The following NBAS variants were observed in gnomAD, a reference collection of about 807,000 sequenced individuals.
NBAS encodes the protein NAG/BC035112 fusion.
A neutral mutation model predicts 302.5 loss-of-function variants in NBAS; 219 were observed. The ratio of observed to expected loss-of-function variants is 0.72; its 90% CI spans 0.65 to 0.81. The LOEUF (loss-of-function observed/expected upper bound fraction) is 0.81. NBAS is among the 30% of genes least tolerant of loss of function. The pLI is 0.00. For synonymous variants in NBAS, 1,118 were observed against 1,021.6 expected, an observed-to-expected ratio of 1.09 and a Z score of -1.80; for missense variants, 2,932 against 2,841.6, an observed-to-expected ratio of 1.03 and a Z score of -0.72.
At chr2:15,073,496 A>T in the NBAS span, among the ~76,000 whole-genome samples, 3 of 147,196 alleles carry the variant, frequency 2.0e-5, no homozygotes, top group East Asian at 3.9e-4. Context: ...AAAAAATAAA[A>T]AATAAAACAA....
chr2:15,313,369 T>C (rs1243263255), intron 38 of NBAS, among the ~76,000 whole-genome samples: 1 of 152,220 alleles, frequency 6.6e-6, no homozygotes, highest in African/African-American at 2.4e-5. Flanking sequence ...GTCTCAAAAA[T>C]CCTGCAAGAA....
the NBAS span, among the ~76,000 whole-genome samples, chr2:14,784,674 A>T: frequency 2.0e-5 from 3 of 151,870 alleles, no homozygotes. Flanking sequence ...TTCCATTGAT[A>T]TATATCTCTG....
chr2:15,134,479 T>TCA, the NBAS span, among the ~76,000 whole-genome samples: 17 of 152,108 alleles, frequency 1.1e-4, no homozygotes, highest in Admixed American at 2.0e-4. Context: ...TCTGTCTCTC[T>TCA]CTCACACACA....
the NBAS span, among the ~76,000 whole-genome samples, chr2:14,820,068 T>C: frequency 6.6e-6 from 1 of 152,200 alleles, no homozygotes; most frequent in Non-Finnish European, 1.5e-5. Context: ...TTGGTGGGAA[T>C]GTGAATTAGT....
At chr2:15,266,679 T>C (rs1669090081) in intron 44 of NBAS, among the ~76,000 whole-genome samples, 2 of 152,188 alleles carry the variant, frequency 1.3e-5, no homozygotes, top group Admixed American at 1.3e-4. Flanking sequence ...CTTGTCAGTG[T>C]TTGTTGGTTT....
chr2:15,196,864 C>G (rs1014894408), intron 48 of NBAS, among the ~76,000 whole-genome samples: 3 of 152,110 alleles, frequency 2.0e-5, no homozygotes, highest in African/African-American at 7.2e-5. Flanking sequence ...ACAAGAACCA[C>G]AGGAAATTGG....
chr2:15,391,879 T>TAAAAAAAAAAAAAAA (rs200344843), intron 28 of NBAS, among the ~76,000 whole-genome samples: 1 of 126,780 alleles, frequency 7.9e-6, no homozygotes. Flanking sequence ...CGTAGCATAC[T>TAAAAAAAAAAAAAAA]AAAAAAAAAA....
intron 37 of NBAS, 58 bp from the exon 38 acceptor site, chr2:15,327,928 T>C (rs1672150354): frequency 1.2e-5 from 19 of 1,602,388 alleles, no homozygotes; most frequent in Admixed American, 1.7e-5. Context: ...TACAAACATA[T>C]GCTTAGAAAA....
At chr2:15,098,272 T>C in the NBAS span, among the ~76,000 whole-genome samples, 1 of 53,318 alleles carries the variant, frequency 1.9e-5, no homozygotes, top group Non-Finnish European at 2.9e-5. Context: ...TAGTGTATAC[T>C]ATATTATATA....
chr2:15,474,776 G>T (rs1268974091), intron 14 of NBAS, among the ~76,000 whole-genome samples: 1 of 152,112 alleles, frequency 6.6e-6, no homozygotes, highest in Non-Finnish European at 1.5e-5. Flanking sequence ...GGCCAGGCTG[G>T]TCACAAATTC....
the NBAS span, among the ~76,000 whole-genome samples, chr2:14,904,781 G>A: frequency 6.6e-6 from 1 of 152,204 alleles, no homozygotes; most frequent in African/African-American, 2.4e-5. Context: ...CGGGCGCGGT[G>A]GCTCAAGCCT....
chr2:15,397,392 C>T, intron 26 of NBAS: 1 of 290,434 alleles, frequency 3.4e-6, no homozygotes, highest in South Asian at 5.5e-5. Context: ...TTGTATTTTT[C>T]TCCAGAGAAT....
At chr2:15,244,763 C>T (rs1291837118) in intron 44 of NBAS, among the ~76,000 whole-genome samples, 1 of 152,088 alleles carries the variant, frequency 6.6e-6, no homozygotes, top group South Asian at 2.1e-4. Flanking sequence ...AGTGGAGAAG[C>T]AGAGTGTGTT....
the NBAS span, among the ~76,000 whole-genome samples, chr2:14,839,699 C>T: frequency 2.6e-5 from 4 of 151,972 alleles, no homozygotes; most frequent in Admixed American, 2.6e-4. Context: ...AAACCTGAAC[C>T]TAAGGCACCA....
chr2:15,479,860 C>T (rs1680352701), intron 12 of NBAS, among the ~76,000 whole-genome samples: 2 of 152,138 alleles, frequency 1.3e-5, no homozygotes, highest in South Asian at 2.1e-4. Context: ...TCCCTGTATT[C>T]CCAGATCCAT....
chr2:15,334,174 C>CCT (rs1672473113), intron 35 of NBAS, among the ~76,000 whole-genome samples: 1 of 140,384 alleles, frequency 7.1e-6, no homozygotes, highest in South Asian at 2.3e-4. Flanking sequence ...GGTGTCTCCT[C>CCT]CTCTCTTCTC....
In NBAS at chr2:15,417,616, C is replaced by A. The variant is rs1191823415; in HGVS notation, c.2674G>T (p.Val892Phe). The A allele has an allele frequency of 3.1e-6, 5 of 1,613,998 alleles. No individual in the cohort carries two copies. The East Asian group carries it at 1.1e-4, about 36-fold the overall frequency. The stretch of plus-strand genomic sequence containing the variant: ...GTTACATCACACCTGGCTTCATAAA[C>A]CAATGTTTCCAGAGTAACCAAATTG... Reference protein sequence around the residue: ...CDNLVTLETLVYEARCDVTLT... With the variant: ...CDNLVTLETLFYEARCDVTLT... Residue 892 changes from valine to phenylalanine, a missense_variant, in exon 24 of 52, where the codon GTT (valine) becomes TTT (phenylalanine). Coordinates refer to ENST00000281513, the MANE Select transcript of NBAS (RefSeq NM_015909.4).
the NBAS span, among the ~76,000 whole-genome samples, chr2:14,920,468 AGTCT>A: frequency 6.6e-6 from 1 of 152,220 alleles, no homozygotes; most frequent in South Asian, 2.1e-4. Context: ...TTAACAGGAT[AGTCT>A]GTCTGTCCTT....
the NBAS span, among the ~76,000 whole-genome samples, chr2:14,801,325 T>G: frequency 6.6e-6 from 1 of 152,144 alleles, no homozygotes; most frequent in Non-Finnish European, 1.5e-5. Context: ...TTAGGTTGCT[T>G]GAAATTGCTC....
Sources: allele counts gnomAD v4.1 joint callset (sites outside exome capture counted in the v4.1 genomes callset), GRCh38; gene constraint gnomAD v4.1.1; transcripts MANE v1.5; gene names NCBI Gene and HGNC (gene_info 2026-07-23, HGNC 2026-07-21).